XYLT1: variants seen among roughly 807,000 people sequenced by gnomAD.
The protein encoded by XYLT1 is beta-D-xylosyltransferase 1.
A neutral mutation model predicts 91.3 loss-of-function variants in XYLT1; 36 were observed. The observed-to-expected ratio is 0.39, with a 90% confidence interval of 0.30 to 0.52. The LOEUF (loss-of-function observed/expected upper bound fraction) is 0.52, where lower values mean the gene tolerates loss of function less well. Among genes scored for constraint, XYLT1 ranks in the 20% least tolerant of loss-of-function variants. The pLI is 0.68. For missense variants in XYLT1, 1,242 were observed against 1,284.5 expected (o/e 0.97, Z 0.51); for synonymous variants, 588 against 532.0 (o/e 1.11, Z -1.45).
chr16:17,200,852 C>G (rs935666139), intron 3 of XYLT1, among the ~76,000 whole-genome samples, 198 bp from the exon 4 acceptor site: 1 of 152,154 alleles, frequency 6.6e-6, no homozygotes. Flanking sequence ...TTAGGGGACC[C>G]TGGGGTTGTT....
At chr16:17,280,490 T>C (rs2034041500) in intron 2 of XYLT1, among the ~76,000 whole-genome samples, 1 of 152,238 alleles carries the variant, frequency 6.6e-6, no homozygotes, top group South Asian at 2.1e-4. Flanking sequence ...ACAATCTAGA[T>C]TTATGAAATA....
rs2030966361 is a variant in XYLT1, at chr16:17,141,277, G to T, written c.1463C>A (p.Ala488Asp). Residue 488 changes from alanine to aspartate, a missense_variant, in exon 7 of 12, where the codon GCC becomes GAC. By Grantham distance (126) the Ala-to-Asp change is moderately radical (BLOSUM62 -2). Transcript: ENST00000261381. ...GAACCAGTCCGAACCGCCATCCACG[G>T]CAATGCCCTCTGGGATCCGCCGATC... The part of the protein sequence containing the change: ...LGDRRIPEGI[A>D]VDGGSDWFLL... 1.9e-6 allele frequency: 3 copies of T among 1,614,176 alleles called. No homozygotes were observed. The highest frequency in any genetic ancestry group is 1.6e-4 in the Middle Eastern group (1 of 6,062).
intron 2 of XYLT1, among the ~76,000 whole-genome samples, chr16:17,293,424 G>A (rs924631824): frequency 6.7e-6 from 1 of 150,110 alleles, no homozygotes; most frequent in Non-Finnish European, 1.5e-5. Flanking sequence ...CTTTGGAGGT[G>A]TAAAGCTATG....
chr16:17,311,219 C>CCTCAAGGCCT (rs2034542791), intron 2 of XYLT1, among the ~76,000 whole-genome samples: 1 of 152,132 alleles, frequency 6.6e-6, no homozygotes, highest in African/African-American at 2.4e-5. Context: ...CCTCAAGGAG[C>CCTCAAGGCCT]CCAGCAGTAT....
intron 1 of XYLT1, among the ~76,000 whole-genome samples, chr16:17,363,494 A>G (rs991756429): frequency 5.3e-5 from 8 of 152,118 alleles, no homozygotes; most frequent in African/African-American, 2.4e-5. Flanking sequence ...TTCCTCACAC[A>G]GCCTTTTCTC....
intron 9 of XYLT1, among the ~76,000 whole-genome samples, 181 bp from the exon 10 acceptor site, chr16:17,128,042 T>G (rs557386471): frequency 6.6e-6 from 1 of 152,318 alleles, no homozygotes; most frequent in South Asian, 2.1e-4. Context: ...CTTCTGCTGA[T>G]TATGAATGAA....
At chr16:17,181,568 ACC>A (rs887697960) in intron 5 of XYLT1, among the ~76,000 whole-genome samples, 6 of 152,060 alleles carry the variant, frequency 3.9e-5, no homozygotes, top group Non-Finnish European at 8.8e-5. Context: ...TGAGGAAAGT[ACC>A]CTGGGGAGGG....
At chr16:17,208,874 A>G (rs999178318) in intron 3 of XYLT1, among the ~76,000 whole-genome samples, 10 of 152,082 alleles carry the variant, frequency 6.6e-5, no homozygotes, top group African/African-American at 1.9e-4. Flanking sequence ...ACAGGTGCCC[A>G]CCACCACGCC....
rs1477385061 is a variant in XYLT1, at chr16:17,200,610, A to G, written c.958T>C (p.Tyr320His). The change falls in exon 4 of 12, where the codon TAC becomes CAC. Residue 320 changes from tyrosine (Y) to histidine (H), a missense_variant. By Grantham distance (83) the Tyr-to-His change is moderately conservative. Coordinates refer to ENST00000261381, the MANE Select transcript of XYLT1 (RefSeq NM_022166.4). ...ATTCTGACCGGGTTGGCTGGCATGT[A>G]CTCCACGGAGTCCTCGTCCCACTGC... ...NVQWDEDSVE[Y>H]MPANPVRIAF... 5.6e-6 allele frequency: 9 copies of G among 1,613,960 alleles called. No homozygotes were observed. The highest frequency in any genetic ancestry group is 7.6e-6 in the Non-Finnish European group (9 of 1,180,004).
chr16:17,301,168 C>T (rs1411610222), intron 2 of XYLT1, among the ~76,000 whole-genome samples: 3 of 151,968 alleles, frequency 2.0e-5, no homozygotes, highest in African/African-American at 4.8e-5. Flanking sequence ...CCCAGCACTT[C>T]GGGAGGCTGA....
chr16:17,273,877 G>C (rs2033932880), intron 2 of XYLT1, among the ~76,000 whole-genome samples: 1 of 150,208 alleles, frequency 6.7e-6, no homozygotes. Flanking sequence ...AAGTGCTAAT[G>C]TTGTTGCACC....
intron 2 of XYLT1, among the ~76,000 whole-genome samples, chr16:17,303,215 G>T (rs972285666): frequency 1.3e-5 from 2 of 152,158 alleles, no homozygotes; most frequent in Non-Finnish European, 2.9e-5. Flanking sequence ...TTAGTTCAGG[G>T]GTTGGCAAAC....
At chr16:17,325,051 C>T (rs1235175921) in intron 2 of XYLT1, among the ~76,000 whole-genome samples, 1 of 151,716 alleles carries the variant, frequency 6.6e-6, no homozygotes, top group African/African-American at 2.4e-5. Flanking sequence ...CTGCATGTAG[C>T]CTCATGGAAA....
intron 1 of XYLT1, among the ~76,000 whole-genome samples, chr16:17,383,246 C>A (rs936177041): frequency 1.3e-5 from 2 of 151,910 alleles, no homozygotes; most frequent in Admixed American, 1.3e-4. Flanking sequence ...ACGGCCCATT[C>A]TCTCTGCCAG....
In XYLT1 at chr16:17,439,381, G is replaced by A. The variant is rs1238816276; in HGVS notation, c.363+31053C>T. Among the ~76,000 whole-genome samples the A allele has an allele frequency of 5.3e-5, 8 of 152,234 alleles. No individual in the cohort carries two copies. In the East Asian group the frequency reaches 9.6e-4, roughly 18 times the overall value. On this transcript the variant is annotated intron_variant, in intron 1 of 11. Transcript: ENST00000261381. ...CATCAGAAACCAGATAAAACCAGCC[G>A]CTCCCAGAGAAACAGTCACTTCTTG...
chr16:17,107,102 T>C lies in XYLT1; in HGVS notation c.*1593A>G, dbSNP rs948144772. On this transcript the variant is annotated 3_prime_UTR_variant, in exon 12 of 12. Coordinates refer to ENST00000261381, the MANE Select transcript of XYLT1 (RefSeq NM_022166.4). ...TACTAATTAGTCATCGACTAAAACA[T>C]GTAAATAATAAATATCTAAAGTGTC... The C allele has an allele frequency of 2.0e-5, 3 of 152,118 alleles. No individual in the cohort carries two copies. The highest frequency in any genetic ancestry group is 4.8e-5 in the African/African-American group (2 of 41,438). The allele number at this position is 152,118 out of a possible 1,614,324, so 9.4% of individuals were successfully genotyped here.
At chr16:17,175,463 G>A (rs1477946941) in intron 5 of XYLT1, among the ~76,000 whole-genome samples, 1 of 152,136 alleles carries the variant, frequency 6.6e-6, no homozygotes, top group Non-Finnish European at 1.5e-5. Flanking sequence ...GAACAGAGAG[G>A]TTAAGTGACT....
chr16:17,174,005 A>G (rs2031885146), intron 5 of XYLT1, among the ~76,000 whole-genome samples: 1 of 152,088 alleles, frequency 6.6e-6, no homozygotes, highest in African/African-American at 2.4e-5. Flanking sequence ...CCAGGCTGCA[A>G]TGTGCAGTCA....
At chr16:17,226,870 T>A (rs1207384129) in intron 3 of XYLT1, among the ~76,000 whole-genome samples, 1 of 152,248 alleles carries the variant, frequency 6.6e-6, no homozygotes. Context: ...CATCACTGTG[T>A]GGCCTTGAGC....
Sources: gnomAD v4.1 joint callset for allele counts (sites outside exome capture counted in the v4.1 genomes callset) on GRCh38, gnomAD v4.1.1 for gene constraint, MANE v1.5 for transcripts, NCBI Gene and HGNC (gene_info 2026-07-23, HGNC 2026-07-21) for gene names.